Variants in MYB observed in about 807,000 individuals in gnomAD.
MYB encodes MYB proto-oncogene, transcription factor.
A neutral mutation model predicts 92.9 loss-of-function variants in MYB; 28 were observed. That is an observed-to-expected ratio of 0.30 (90% CI 0.22 to 0.41). The LOEUF (loss-of-function observed/expected upper bound fraction) is 0.41. MYB is among the 10% of genes least tolerant of loss of function. The probability of loss-of-function intolerance (pLI) is 1.00; values close to 1 mark genes in which losing one functional copy is unlikely to be tolerated. For synonymous variants in MYB, 295 were observed against 329.1 expected, an observed-to-expected ratio of 0.90 and a Z score of 1.12; for missense variants, 679 against 929.3, an observed-to-expected ratio of 0.73 and a Z score of 3.50.
intron 7 of MYB, 146 bp downstream of exon 7, chr6:135,194,064 A>G (rs1583292034): frequency 1.5e-6 from 1 of 667,442 alleles, no homozygotes; most frequent in Non-Finnish European, 2.6e-6. Flanking sequence ...CCAGCAATCT[A>G]TTAATCTTGT....
chr6:135,210,753 C>T (rs1779594398), intron 15 of MYB, among the ~76,000 whole-genome samples: 1 of 152,168 alleles, frequency 6.6e-6, no homozygotes, highest in Admixed American at 6.5e-5. Flanking sequence ...ACTCATCACA[C>T]AGGTTACTGT....
chr6:135,205,341 A>T (rs1446324453), intron 15 of MYB, among the ~76,000 whole-genome samples: 1 of 151,798 alleles, frequency 6.6e-6, no homozygotes, highest in Non-Finnish European at 1.5e-5. Flanking sequence ...TAAGTTTTGC[A>T]TATATTTTCT....
intron 9 of MYB, among the ~76,000 whole-genome samples, chr6:135,196,479 A>G (rs1388781449): frequency 6.6e-6 from 1 of 152,186 alleles, no homozygotes; most frequent in African/African-American, 2.4e-5. Flanking sequence ...TTGAAGTAAT[A>G]ATCAGCTCCT....
rs748900859 is a variant in MYB at position 135,203,259 on chromosome 6, G to T, written c.2104G>T (p.Asp702Tyr). Reference protein sequence around the residue: ...SSVLMAPASEDEDNVLKAFTV... With the variant: ...SSVLMAPASEYEDNVLKAFTV... ...CGTTTTAATGGCACCAGCATCAGAA[G>T]ATGAAGACAATGTTCTCAAAGCATT... is the stretch of plus-strand genomic sequence containing the variant. Residue 702 changes from aspartate to tyrosine, a missense_variant, in exon 15 of 16, where the codon GAT becomes TAT. Asp to Tyr is a radical substitution (Grantham distance 160). This residue lies in a region of MYB where 402 missense variants were observed against 434.2 expected (regional missense o/e 0.93). Transcript: ENST00000341911. The T allele has an allele frequency of 6.2e-7, 1 of 1,611,858 alleles. No individual in the cohort carries two copies. Among genetic ancestry groups the T allele is most frequent in the African/African-American group, 1.3e-5 (1 of 74,890 alleles).
chr6:135,194,275 A>G (rs565541428), intron 7 of MYB, 81 bp from the exon 8 acceptor site: 1 of 1,081,358 alleles, frequency 9.2e-7, no homozygotes, highest in East Asian at 2.4e-5. Flanking sequence ...GCGGCACCTC[A>G]TGACCATATT....
rs568317837 is a variant in MYB, at chr6:135,210,995, T to A, written c.2170-6869T>A. On this transcript the variant is annotated intron_variant, in intron 15 of 15. Coordinates refer to ENST00000341911, the MANE Select transcript of MYB (RefSeq NM_001130173.2). ...TCCCTGTCCCACTCTTACAGAACTG[T>A]GTCAGTGGGTCACCAAAAGAGAGAG... Among the ~76,000 whole-genome samples, 7 of 152,140 alleles carry A rather than the reference T, an allele frequency of 4.6e-5. No homozygotes were observed. In the East Asian group the frequency reaches 1.2e-3, roughly 25 times the overall value.
intron 5 of MYB, 94 bp from the exon 6 acceptor site, chr6:135,192,230 G>T: frequency 9.9e-7 from 1 of 1,010,864 alleles, no homozygotes. Flanking sequence ...AGGCCCAAGG[G>T]AAAGGTCTCT....
chr6:135,192,380 A>T lies in MYB; in HGVS notation c.584A>T (p.Gln195Leu). The T allele has an allele frequency of 6.2e-7, 1 of 1,614,232 alleles. No homozygotes were observed. The highest frequency in any genetic ancestry group is 2.2e-5 in the East Asian group (1 of 44,888). The change falls in exon 6 of 16, where the codon CAG (glutamine) becomes CTG (leucine). Residue 195 changes from glutamine to leucine, a missense_variant. This residue lies in a region of MYB where 37 missense variants were observed against 98.0 expected (regional missense o/e 0.38). Coordinates refer to ENST00000341911, the MANE Select transcript of MYB (RefSeq NM_001130173.2). ...TCTACAATGCGTCGGAAGGTCGAAC[A>T]GGAAGGTTATCTGCAGGAGTCTTCA... ...WNSTMRRKVE[Q>L]EGYLQESSKA...
chr6:135,218,582 A>C lies in MYB; in HGVS notation c.*602A>C, dbSNP rs900982185. On this transcript the variant is annotated 3_prime_UTR_variant, in exon 16 of 16. Coordinates refer to ENST00000341911, the MANE Select transcript of MYB (RefSeq NM_001130173.2). ...GTAAGAAATAGTTTTATAAAAAATT[A>C]TATTTTTATTCAGTAATTTAATTTT... 2 of 182,078 alleles carry C rather than the reference A, an allele frequency of 1.1e-5. No individual in the cohort carries two copies. The highest frequency in any genetic ancestry group is 4.7e-5 in the African/African-American group (2 of 42,480). 11.3% of individuals were successfully genotyped at this position (182,078 alleles called of 1,614,324 possible).
At chr6:135,191,339 C>T (rs1356932307) in intron 5 of MYB, among the ~76,000 whole-genome samples, 7 of 152,160 alleles carry the variant, frequency 4.6e-5, no homozygotes, top group East Asian at 1.9e-4. Flanking sequence ...GAAAGCAATA[C>T]TTTTAATGAT....
In MYB at chr6:135,198,962, A is replaced by C; in HGVS notation, c.1621A>C (p.Thr541Pro). 6.2e-7 allele frequency: 1 copy of C among 1,611,658 alleles called. No individual in the cohort carries two copies. Among genetic ancestry groups the C allele is most frequent in the Non-Finnish European group, 8.5e-7 (1 of 1,178,046 alleles). Reference sequence around the variant, plus strand: ...CTCAGACTTGGAAATGCCTTCTTTAACTTCCACCCCCCTCATTGGTCACAA... The same window carrying C: ...CTCAGACTTGGAAATGCCTTCTTTACCTTCCACCCCCCTCATTGGTCACAA... ...ENSDLEMPSL[T>P]STPLIGHKLT... Residue 541 changes from threonine (T) to proline (P), a missense_variant, in exon 11 of 16, where the codon ACT becomes CCT. This residue lies in a region of MYB where 402 missense variants were observed against 434.2 expected (regional missense o/e 0.93). Transcript: ENST00000341911.
chr6:135,202,837 G>T, intron 14 of MYB: 1 of 442,716 alleles, frequency 2.3e-6, no homozygotes, highest in Non-Finnish European at 4.4e-6. Flanking sequence ...ATAATTTATA[G>T]CTCTAAAATA....
chr6:135,193,103 C>G (rs1220243509), intron 6 of MYB, among the ~76,000 whole-genome samples: 1 of 152,124 alleles, frequency 6.6e-6, no homozygotes, highest in East Asian at 1.9e-4. Context: ...AGGAGCAGAA[C>G]TTTGTGACAT....
intron 15 of MYB, 73 bp downstream of exon 15, chr6:135,203,397 G>GTGA (rs2128307019): frequency 8.0e-7 from 1 of 1,256,186 alleles, no homozygotes; most frequent in Non-Finnish European, 1.2e-6. Context: ...GGTGGTGGTG[G>GTGA]TGGTGGTGAT....
Position 135,190,420 on chromosome 6 carries a change from T to A in MYB, c.527+73T>A. ...GGTATTGAACATTCTGCTTTAAATG[T>A]ATGGTGAGTAAATTATATTTCATCA... On this transcript the variant is annotated intron_variant, in intron 5 of 15. Coordinates refer to ENST00000341911, the MANE Select transcript of MYB (RefSeq NM_001130173.2). The surrounding 1 kb of genome is among the most constrained non-coding windows in gnomAD (Gnocchi z 4.5). 1 of 1,117,520 alleles carries A rather than the reference T, an allele frequency of 8.9e-7. No homozygotes were observed. Among genetic ancestry groups the A allele is most frequent in the Non-Finnish European group, 1.3e-6 (1 of 757,826 alleles). 69.2% of individuals were successfully genotyped at this position (1,117,520 alleles called of 1,614,324 possible). A position where few individuals can be genotyped will look rare whatever the true frequency, so the allele number is the denominator to read the frequency against.
chr6:135,197,067 A>T lies in MYB; in HGVS notation c.1310A>T (p.Glu437Val), dbSNP rs1777422969. The T allele has an allele frequency of 6.2e-7, 1 of 1,613,912 alleles. No individual in the cohort carries two copies. Among genetic ancestry groups the T allele is most frequent in the African/African-American group, 1.3e-5 (1 of 74,920 alleles). The change falls in exon 10 of 16, where the codon GAG (glutamate) becomes GTG (valine). Residue 437 changes from glutamate to valine, a missense_variant. Around this residue, in one of 8 missense-constraint regions of MYB, gnomAD observed 402 missense variants for 434.2 expected, o/e 0.93. Transcript: ENST00000341911. Reference protein sequence around the residue: ...TGKALQLQQREGNGTKPAGEP... With the variant: ...TGKALQLQQRVGNGTKPAGEP... ...AAAGCCCTACAGCTTCAGCAAAGAGAGGGCAATGGGACTAAACCTGCAGGA... is the reference window on the plus strand; with the variant it reads ...AAAGCCCTACAGCTTCAGCAAAGAGTGGGCAATGGGACTAAACCTGCAGGA...
intron 15 of MYB, among the ~76,000 whole-genome samples, chr6:135,207,133 T>C (rs1779054714): frequency 6.6e-6 from 1 of 152,206 alleles, no homozygotes; most frequent in Non-Finnish European, 1.5e-5. Context: ...TTGAACATAT[T>C]GCACATTTAT....
At chr6:135,186,935 C>T (rs917464780) in intron 2 of MYB, among the ~76,000 whole-genome samples, 2 of 152,158 alleles carry the variant, frequency 1.3e-5, no homozygotes, top group African/African-American at 4.8e-5. Flanking sequence ...ACCAGAGCTC[C>T]TTTTAACAGG....
At chr6:135,195,357 C>CGTATCATTAAAATA in intron 8 of MYB, 1 of 177,544 alleles carries the variant, frequency 5.6e-6, no homozygotes, top group South Asian at 1.1e-4. Context: ...CCTGAGTCCT[C>CGTATCATTAAAATA]TAGCTTTTTT....
Sources: gnomAD v4.1 joint callset for allele counts (sites outside exome capture counted in the v4.1 genomes callset) on GRCh38, gnomAD v4.1.1 for gene constraint, gnomAD v4.1.1 regional missense constraint, Gnocchi (gnomAD v3.1) non-coding constraint, MANE v1.5 for transcripts, NCBI Gene and HGNC (gene_info 2026-07-23, HGNC 2026-07-21) for gene names.